HPS5: variants seen among roughly 807,000 people sequenced by gnomAD.
HPS5 encodes HPS5 biogenesis of lysosomal organelles complex 2 subunit 2, also known as BLOC-2 complex member HPS5.
HPS5 carries 83 observed loss-of-function variants against 128.0 expected under a neutral mutation model. The observed-to-expected ratio is 0.65, with a 90% CI of 0.54 to 0.78. The LOEUF (loss-of-function observed/expected upper bound fraction) is 0.78, where lower values mean the gene tolerates loss of function less well. Among genes scored for constraint, HPS5 ranks in the 30% least tolerant of loss-of-function variants. The pLI is 0.00. For synonymous variants in HPS5, 475 were observed against 470.2 expected, an observed-to-expected ratio of 1.01 and a Z score of -0.13; for missense variants, 1,281 against 1,326.2, an observed-to-expected ratio of 0.97 and a Z score of 0.53.
chr11:18,320,399 A>AT (rs1252918164), intron 1 of HPS5, among the ~76,000 whole-genome samples: 2 of 152,104 alleles, frequency 1.3e-5, no homozygotes, highest in African/African-American at 4.8e-5. Flanking sequence ...ATCCCTGAAC[A>AT]TTTTCAGCCA....
At position 18,297,003 on chromosome 11, in the gene HPS5, C is replaced by CAA. The variant is rs369116404; in HGVS notation, c.1324-21_1324-20dup. Reference sequence around the variant, plus strand: ...AACTTTCCTAAAAATTAAAAGAATTCAAAAAAAAAAAAAGGTAAAAATTTC... The same window carrying CAA: ...AACTTTCCTAAAAATTAAAAGAATTCAAAAAAAAAAAAAAAGGTAAAAATTTC... On this transcript the variant is annotated intron_variant, in intron 11 of 22. Coordinates refer to ENST00000349215, the MANE Select transcript of HPS5 (RefSeq NM_181507.2). The CAA allele has an allele frequency of 1.5e-3, 1,688 of 1,144,404 alleles. No homozygotes were observed. The highest frequency in any genetic ancestry group is 2.0e-3 in the Middle Eastern group (7 of 3,554). 70.9% of individuals were successfully genotyped at this position (1,144,404 alleles called of 1,614,324 possible).
intron 10 of HPS5, 136 bp downstream of exon 10, chr11:18,298,656 C>T: frequency 1.2e-5 from 10 of 828,450 alleles, no homozygotes; most frequent in South Asian, 1.1e-4. Context: ...ATCATGCTTT[C>T]TCTGGGCATG....
rs1352253134 is a variant in HPS5, at chr11:18,300,880, A to C, written c.933T>G (p.Ile311Met). ...GAACATTCTGAGGAATGAAAATATAAATTCCTCTTTCTGTCCAAGTCAGCA... is the reference window on the plus strand; with the variant it reads ...GAACATTCTGAGGAATGAAAATATACATTCCTCTTTCTGTCCAAGTCAGCA... The part of the protein sequence containing the change: ...HCVLTWTERG[I>M]YIFIPQNVQV... Residue 311 changes from isoleucine (I) to methionine (M), a missense_variant, in exon 9 of 23, where the codon ATT becomes ATG. Coordinates refer to ENST00000349215, the MANE Select transcript of HPS5 (RefSeq NM_181507.2). 6.2e-7 allele frequency: 1 copy of C among 1,601,694 alleles called. No individual in the cohort carries two copies. The highest frequency in any genetic ancestry group is 1.7e-4 in the Middle Eastern group (1 of 6,046).
chr11:18,305,346 A>G, intron 8 of HPS5, 76 bp downstream of exon 8: 1 of 980,830 alleles, frequency 1.0e-6, no homozygotes, highest in Non-Finnish European at 1.6e-6. Flanking sequence ...TTAAAAAACT[A>G]CTTCTGAACA....
Position 18,306,932 on chromosome 11 carries a change from A to C in HPS5, c.612-585T>G, listed in dbSNP as rs1862441463. ...GGGAACACGGAAGGTGATAATGATG[A>C]GGGAGATGTCTCTTCCTAAAAACTC... is the stretch of plus-strand genomic sequence containing the variant. On this transcript the variant is annotated intron_variant, in intron 6 of 22. Coordinates refer to ENST00000349215, the MANE Select transcript of HPS5 (RefSeq NM_181507.2). 2.0e-5 allele frequency among the ~76,000 whole-genome samples: 3 copies of C among 152,350 alleles called. No individual in the cohort carries two copies. The South Asian group carries it at 6.2e-4, about 32-fold the overall frequency.
Position 18,311,397 on chromosome 11 carries a change from C to T in HPS5, c.274G>A (p.Val92Ile), listed in dbSNP as rs141566302. ...GGAACAGATTCTTACCTGGTAGCTA[C>T]AGCAACATAATCATCATCATGTAAA... is the stretch of plus-strand genomic sequence containing the variant. The part of the protein sequence containing the change: ...CCLHDDDYVA[V>I]ATSQGLVVVW... The change falls in exon 4 of 23, where the codon GTA becomes ATA. Residue 92 changes from valine (V) to isoleucine (I), a missense_variant. Transcript: ENST00000349215. The T allele has an allele frequency of 8.1e-6, 13 of 1,604,294 alleles. No homozygotes were observed. The highest frequency in any genetic ancestry group is 6.7e-5 in the East Asian group (3 of 44,756).
At chr11:18,288,910 C>T (rs536358103) in intron 16 of HPS5, among the ~76,000 whole-genome samples, 5 of 151,770 alleles carry the variant, frequency 3.3e-5, no homozygotes, top group Admixed American at 6.6e-5. Flanking sequence ...GGTCTTGAAA[C>T]GTTGTCTAGG....
At chr11:18,311,511 AT>A (rs11376847) in intron 3 of HPS5, 60 bp from the exon 4 acceptor site, 16,437 of 520,830 alleles carry the variant, frequency 0.032, 16 homozygotes, top group Middle Eastern at 0.066. Flanking sequence ...TATTATTATT[AT>A]TTTTTTTTTT....
At chr11:18,283,960 T>G in intron 20 of HPS5, 59 bp from the exon 21 acceptor site, 2 of 1,154,656 alleles carry the variant, frequency 1.7e-6, no homozygotes, top group Non-Finnish European at 2.6e-6. Flanking sequence ...TCTGGAGCTG[T>G]GCTGCCCAAA....
At chr11:18,302,557 T>C (rs1407339953) in intron 8 of HPS5, among the ~76,000 whole-genome samples, 1 of 152,168 alleles carries the variant, frequency 6.6e-6, no homozygotes, top group African/African-American at 2.4e-5. Context: ...CTCTAATAAA[T>C]TATACTCTGA....
chr11:18,291,446 C>G lies in HPS5; in HGVS notation c.2436G>C (p.Leu812Phe), dbSNP rs1350847989. 1.9e-6 allele frequency: 3 copies of G among 1,584,978 alleles called. No homozygotes were observed. Among genetic ancestry groups the G allele is most frequent in the Non-Finnish European group, 2.6e-6 (3 of 1,154,068 alleles). Residue 812 changes from leucine (L) to phenylalanine (F), a missense_variant, in exon 16 of 23, where the codon TTG becomes TTC. Leu to Phe is a conservative substitution (Grantham distance 22). Transcript: ENST00000349215. ...ATAAGGCAATCTGAGTATTACCTTT[C>G]AATCCTTCAATAAAAGTATCCCAAA... ...PSVWDTFIEG[L>F]KEMASSNPVY...
intron 6 of HPS5, 84 bp downstream of exon 6, chr11:18,308,862 G>T: frequency 7.4e-7 from 1 of 1,349,048 alleles, no homozygotes; most frequent in Non-Finnish European, 1.1e-6. Context: ...ATAACTGATT[G>T]ATGGGGCTTG....
chr11:18,297,495 A>G (rs1861215498), intron 11 of HPS5, 64 bp downstream of exon 11: 9 of 1,503,296 alleles, frequency 6.0e-6, no homozygotes, highest in South Asian at 1.1e-5. Context: ...CTAGAGGTAA[A>G]TAAGAACAAC....
intron 9 of HPS5, 110 bp from the exon 10 acceptor site, chr11:18,299,080 T>G: frequency 1.0e-6 from 1 of 1,004,318 alleles, no homozygotes; most frequent in East Asian, 2.5e-5. Flanking sequence ...GGGTTTGGCT[T>G]GACTGAATTT....
rs866688296 is a variant in HPS5 at position 18,306,262 on chromosome 11, G to A, written c.697C>T (p.Gln233Ter). 1 of 1,613,882 alleles carries A rather than the reference G, an allele frequency of 6.2e-7. No homozygotes were observed. ...GGGCGAGCACAATATATCAGAGGTT[G>A]CTGGCCCCCAGAACATCTTCCAGGA... ...FFPGRCSGGQ[Q>*]PLIYCARPGS... The change falls in exon 7 of 23, where the codon CAA (glutamine) becomes TAA (stop). Residue 233 changes from glutamine to a stop codon, truncating the protein, a stop_gained. Transcript: ENST00000349215. LOFTEE classifies it high-confidence loss of function.
intron 4 of HPS5, 91 bp from the exon 5 acceptor site, chr11:18,311,024 T>G: frequency 4.5e-6 from 4 of 890,418 alleles, no homozygotes; most frequent in Non-Finnish European, 7.6e-6. Flanking sequence ...CAAATACATA[T>G]GCAACTCTTG....
chr11:18,310,761 T>C lies in HPS5; in HGVS notation c.457A>G (p.Asn153Asp), dbSNP rs1245970758. 1 of 1,613,864 alleles carries C rather than the reference T, an allele frequency of 6.2e-7. No homozygotes were observed. The highest frequency in any genetic ancestry group is 2.2e-5 in the East Asian group (1 of 44,882). ...CTCACCTTTGCTTGTTTAGAAGTAT[T>C]GAGTTTGATAGCAGAAACCTTCCCA... ...HAGKVSAIKLNTSKQAKAAAA... is the reference protein window; with the variant it reads ...HAGKVSAIKLDTSKQAKAAAA... The change falls in exon 5 of 23, where the codon AAT (asparagine) becomes GAT (aspartate). Residue 153 changes from asparagine to aspartate, a missense_variant. Asn to Asp is a conservative substitution (Grantham distance 23). Coordinates refer to ENST00000349215, the MANE Select transcript of HPS5 (RefSeq NM_181507.2).
chr11:18,292,763 A>T, intron 15 of HPS5, 136 bp downstream of exon 15: 3 of 748,452 alleles, frequency 4.0e-6, no homozygotes, highest in Non-Finnish European at 7.1e-6. Flanking sequence ...TAATAAAAGG[A>T]AAGACCATTT....
In HPS5 at chr11:18,291,933, G is replaced by A; in HGVS notation, c.1949C>T (p.Thr650Ile). ...ACCTGAAAAGTCCTTCATGGCAAATGTTTTTTCTAAATGTGAAAGCCACTC... is the reference window on the plus strand; with the variant it reads ...ACCTGAAAAGTCCTTCATGGCAAATATTTTTTCTAAATGTGAAAGCCACTC... ...LQEWLSHLEK[T>I]FAMKDFSGVS... The change falls in exon 16 of 23, where the codon ACA becomes ATA. Residue 650 changes from threonine (T) to isoleucine (I), a missense_variant. Transcript: ENST00000349215. 2 of 1,608,698 alleles carry A rather than the reference G, an allele frequency of 1.2e-6. No individual in the cohort carries two copies. Among genetic ancestry groups the A allele is most frequent in the African/African-American group, 1.3e-5 (1 of 74,480 alleles).
Sources: gnomAD v4.1 joint callset for allele counts (sites outside exome capture counted in the v4.1 genomes callset) on GRCh38, gnomAD v4.1.1 for gene constraint, MANE v1.5 for transcripts, NCBI Gene and HGNC (gene_info 2026-07-23, HGNC 2026-07-21) for gene names.